The following FOCAD variants were observed in gnomAD, a reference collection of about 807,000 sequenced individuals.
FOCAD encodes the protein focadhesin, also known as KIAA1797.
FOCAD carries 198 observed loss-of-function variants against 225.6 expected under a neutral mutation model. That is an observed-to-expected ratio of 0.88 (90% CI 0.78 to 0.99). The LOEUF is 0.99. Ranked by LOEUF, FOCAD falls within the 50% of genes least tolerant of loss-of-function variation. The pLI is 0.00. For missense variants in FOCAD, 2,713 were observed against 2,123.6 expected (o/e 1.28, Z -5.46); for synonymous variants, 897 against 755.0 (o/e 1.19, Z -3.08).
At chr9:20,991,805 T>C (rs1841696326) in intron 42 of FOCAD, among the ~76,000 whole-genome samples, 2 of 106,690 alleles carry the variant, frequency 1.9e-5, no homozygotes, top group Non-Finnish European at 3.7e-5. Flanking sequence ...AGATTGAGAC[T>C]CTGTCTCAAA....
intron 7 of FOCAD, among the ~76,000 whole-genome samples, chr9:20,766,561 A>G (rs1379183463): frequency 1.3e-5 from 2 of 152,116 alleles, no homozygotes; most frequent in Non-Finnish European, 2.9e-5. Flanking sequence ...TTCTCAGAAC[A>G]AAATGAAATA....
At chr9:20,750,903 G>A (rs1023697436) in intron 5 of FOCAD, among the ~76,000 whole-genome samples, 6 of 152,114 alleles carry the variant, frequency 3.9e-5, no homozygotes, top group Non-Finnish European at 8.8e-5. Flanking sequence ...GGGTTTGTTT[G>A]CATCTGTAGT....
chr9:20,800,467 C>T (rs970559350), intron 11 of FOCAD, among the ~76,000 whole-genome samples: 9 of 152,100 alleles, frequency 5.9e-5, no homozygotes, highest in Non-Finnish European at 1.3e-4. Context: ...CCATTCTCCC[C>T]ATCACTTTCA....
chr9:20,915,444 A>C (rs1010952752), intron 23 of FOCAD, among the ~76,000 whole-genome samples: 2 of 152,198 alleles, frequency 1.3e-5, no homozygotes, highest in African/African-American at 4.8e-5. Context: ...TCTAAGGAGC[A>C]ACCAACTGTG....
intron 11 of FOCAD, among the ~76,000 whole-genome samples, chr9:20,792,094 T>C (rs1334820395): frequency 1.3e-5 from 2 of 152,208 alleles, no homozygotes; most frequent in Non-Finnish European, 2.9e-5. Flanking sequence ...CTTATAAATA[T>C]TTGTAGAGGG....
At chr9:20,705,924 GTTTT>G (rs59407171) in intron 1 of FOCAD, among the ~76,000 whole-genome samples, 1 of 106,914 alleles carries the variant, frequency 9.4e-6, no homozygotes, top group African/African-American at 3.5e-5. Flanking sequence ...TCAGTTTTAA[GTTTT>G]TTTTTTTTTT....
chr9:20,920,031 C>T (rs1257298679), intron 24 of FOCAD, among the ~76,000 whole-genome samples: 3 of 152,024 alleles, frequency 2.0e-5, no homozygotes, highest in Non-Finnish European at 4.4e-5. Context: ...AGGCAACCTA[C>T]AAAATGGGAG....
At chr9:20,828,751 C>T (rs1825176758) in intron 15 of FOCAD, among the ~76,000 whole-genome samples, 1 of 152,100 alleles carries the variant, frequency 6.6e-6, no homozygotes, top group African/African-American at 2.4e-5. Flanking sequence ...TTAATCCCAG[C>T]AGGCATTAGC....
intron 29 of FOCAD, 55 bp downstream of exon 29, chr9:20,944,829 G>A (rs1019937716): frequency 1.0e-5 from 16 of 1,526,756 alleles, no homozygotes; most frequent in Non-Finnish European, 1.4e-5. Flanking sequence ...TTTTCTTCTT[G>A]CCACTTATTT....
chr9:20,811,978 A>C (rs1289714932), intron 11 of FOCAD, among the ~76,000 whole-genome samples: 1 of 152,032 alleles, frequency 6.6e-6, no homozygotes, highest in Non-Finnish European at 1.5e-5. Context: ...TTATCTTACC[A>C]TTCTTTTAAA....
chr9:20,820,322 A>G lies in FOCAD; in HGVS notation c.1561-2A>G. On this transcript the variant is annotated splice_acceptor_variant, in intron 12 of 43. Transcript: ENST00000338382. LOFTEE classifies it high-confidence loss of function. Reference sequence around the variant, plus strand: ...AACTAGAGTTTCTTCAATATTTTCTAGGTGTGTATAGGACAAATTCTACGA... The same window carrying G: ...AACTAGAGTTTCTTCAATATTTTCTGGGTGTGTATAGGACAAATTCTACGA... The G allele has an allele frequency of 2.5e-6, 4 of 1,600,186 alleles. No individual in the cohort carries two copies. The highest frequency in any genetic ancestry group is 3.4e-6 in the Non-Finnish European group (4 of 1,172,992).
chr9:20,926,112 G>C (rs1834914868), intron 25 of FOCAD, among the ~76,000 whole-genome samples, 189 bp from the exon 26 acceptor site: 1 of 151,386 alleles, frequency 6.6e-6, no homozygotes, highest in Non-Finnish European at 1.5e-5. Flanking sequence ...TTGGGGCACA[G>C]GTGAGGATGT....
chr9:20,776,773 G>A (rs1818800018), intron 8 of FOCAD, among the ~76,000 whole-genome samples: 1 of 152,132 alleles, frequency 6.6e-6, no homozygotes, highest in Non-Finnish European at 1.5e-5. Flanking sequence ...TTACTATACA[G>A]CAGTGCTTTT....
chr9:20,736,190 AT>A (rs1827143201), intron 4 of FOCAD, among the ~76,000 whole-genome samples: 1 of 151,700 alleles, frequency 6.6e-6, no homozygotes, highest in Non-Finnish European at 1.5e-5. Flanking sequence ...TATTTTATGA[AT>A]TTTTTTGTTT....
chr9:20,945,921 G>A (rs1034307470), intron 29 of FOCAD, among the ~76,000 whole-genome samples: 4 of 152,124 alleles, frequency 2.6e-5, no homozygotes, highest in African/African-American at 9.7e-5. Context: ...GAAAAAAGGA[G>A]GTAGCAGAGA....
intron 39 of FOCAD, among the ~76,000 whole-genome samples, chr9:20,983,570 CAAAAAAAAAAA>C (rs371636885): frequency 1.0e-5 from 1 of 98,438 alleles, no homozygotes; most frequent in Non-Finnish European, 2.1e-5. Context: ...GACTCTGTCT[CAAAAAAAAAAA>C]AAAAAAGAAT....
chr9:20,892,630 G>T (rs368047137), intron 21 of FOCAD, among the ~76,000 whole-genome samples: 1 of 152,068 alleles, frequency 6.6e-6, no homozygotes, highest in Non-Finnish European at 1.5e-5. Flanking sequence ...GATGAACAGA[G>T]TGGTTTCTTG....
chr9:20,903,201 C>T (rs184480124), intron 21 of FOCAD, among the ~76,000 whole-genome samples: 3 of 151,980 alleles, frequency 2.0e-5, no homozygotes, highest in Admixed American at 1.3e-4. Context: ...ACTTCAGGCT[C>T]CTAGCCTCAT....
intron 2 of FOCAD, among the ~76,000 whole-genome samples, chr9:20,678,965 G>A (rs928431051): frequency 6.6e-6 from 1 of 152,120 alleles, no homozygotes; most frequent in African/African-American, 2.4e-5. Flanking sequence ...TTATCCAGAA[G>A]GTAACATCTC....
Sources: allele counts gnomAD v4.1 joint callset (sites outside exome capture counted in the v4.1 genomes callset), GRCh38; gene constraint gnomAD v4.1.1; transcripts MANE v1.5; gene names NCBI Gene and HGNC (gene_info 2026-07-23, HGNC 2026-07-21).